The following ORC3 variants were observed in gnomAD, a reference collection of about 807,000 sequenced individuals.
ORC3 encodes origin recognition complex subunit 3.
ORC3 carries 78 observed loss-of-function variants against 100.7 expected under a neutral mutation model. The ratio of observed to expected loss-of-function variants is 0.77; its 90% confidence interval spans 0.65 to 0.94. ORC3 has a LOEUF of 0.94. ORC3 is among the 40% of genes least tolerant of loss of function. The pLI is 0.00. For missense variants in ORC3, 789 were observed against 823.9 expected, an observed-to-expected ratio of 0.96 and a Z score of 0.52; for synonymous variants, 295 against 289.3, an observed-to-expected ratio of 1.02 and a Z score of -0.20.
At chr6:87,672,833 CA>C in the ORC3 span, among the ~76,000 whole-genome samples, 2 of 152,046 alleles carry the variant, frequency 1.3e-5, no homozygotes, top group Non-Finnish European at 2.9e-5. Context: ...CCTATTTTTC[CA>C]AAAGTACAAA....
downstream of ORC3, among the ~76,000 whole-genome samples, chr6:87,669,082 A>G (rs533271219): frequency 6.6e-6 from 1 of 152,372 alleles, no homozygotes; most frequent in South Asian, 2.1e-4. Context: ...GCTTAAACCC[A>G]GAAGGTGGAG....
chr6:87,590,336 C>T, intron 1 of ORC3, 144 bp downstream of exon 1: 1 of 895,174 alleles, frequency 1.1e-6, no homozygotes, highest in South Asian at 1.4e-5. Context: ...CGTCCTTGCT[C>T]CAGATCAGTT....
In ORC3 at chr6:87,636,351, A is replaced by G. The variant is rs1191268176; in HGVS notation, c.1303-56A>G. On this transcript the variant is annotated intron_variant, in intron 12 of 19. Transcript: ENST00000392844. ...GTGTTGACCAGAAATGATTTTTGCC[A>G]AACTAGTAGTGTGTATACACTTTTG... is the stretch of plus-strand genomic sequence containing the variant. The G allele has an allele frequency of 5.0e-6, 5 of 1,009,984 alleles. No homozygotes were observed. The African/African-American group carries it at 8.2e-5, about 17-fold the overall frequency. The allele number at this position is 1,009,984 out of a possible 1,614,324, so 62.6% of individuals were successfully genotyped here. A position where few individuals can be genotyped will look rare whatever the true frequency, so the allele number is the denominator to read the frequency against.
chr6:87,612,732 A>G (rs1034412864), intron 8 of ORC3, among the ~76,000 whole-genome samples: 2 of 152,120 alleles, frequency 1.3e-5, no homozygotes, highest in Non-Finnish European at 2.9e-5. Flanking sequence ...CTGCCGCAGC[A>G]TCTCAAGTAG....
intron 12 of ORC3, among the ~76,000 whole-genome samples, 163 bp from the exon 13 acceptor site, chr6:87,636,244 C>T (rs1306583607): frequency 6.6e-6 from 1 of 152,122 alleles, no homozygotes; most frequent in African/African-American, 2.4e-5. Flanking sequence ...AAATTGCATT[C>T]TTATAAAGCC....
At chr6:87,673,406 G>C in the ORC3 span, among the ~76,000 whole-genome samples, 1 of 151,972 alleles carries the variant, frequency 6.6e-6, no homozygotes, top group Non-Finnish European at 1.5e-5. Flanking sequence ...GTGGGAGGGG[G>C]TTTAACTGGC....
chr6:87,653,381 G>A (rs1769427364), intron 14 of ORC3, 132 bp downstream of exon 14: 1 of 698,528 alleles, frequency 1.4e-6, no homozygotes, highest in Non-Finnish European at 2.2e-6. Flanking sequence ...AGTATGCCAA[G>A]CCTCATAGTA....
In ORC3 at chr6:87,663,134, A is replaced by G. The variant is rs763886530; in HGVS notation, c.1823A>G (p.Tyr608Cys). 8.7e-6 allele frequency: 14 copies of G among 1,610,218 alleles called. No homozygotes were observed. Among genetic ancestry groups the G allele is most frequent in the Admixed American group, 3.3e-5 (2 of 59,962 alleles). The change falls in exon 17 of 20, where the codon TAT (tyrosine) becomes TGT (cysteine). Residue 608 changes from tyrosine (Y) to cysteine (C), a missense_variant. By Grantham distance (194) the Tyr-to-Cys change is radical. Around this residue, in one of 3 missense-constraint regions of ORC3, gnomAD observed 366 missense variants for 394.2 expected, o/e 0.93. Transcript: ENST00000392844. ...ALHTALNNPY[Y>C]YLKNEALKSE... ...CATACTGCACTCAACAATCCTTACTATTATCTCAAGGTAAGATGAACATTT... is the reference window on the plus strand; with the variant it reads ...CATACTGCACTCAACAATCCTTACTGTTATCTCAAGGTAAGATGAACATTT...
downstream of ORC3, among the ~76,000 whole-genome samples, chr6:87,669,923 C>G (rs1318266030): frequency 6.6e-6 from 1 of 152,164 alleles, no homozygotes; most frequent in Non-Finnish European, 1.5e-5. Flanking sequence ...TGTTTAGAAA[C>G]TATTACTTTG....
chr6:87,609,156 C>T lies in ORC3; in HGVS notation c.640C>T (p.Pro214Ser). 1.9e-6 allele frequency: 3 copies of T among 1,610,278 alleles called. No homozygotes were observed. Among genetic ancestry groups the T allele is most frequent in the East Asian group, 2.2e-5 (1 of 44,684 alleles). Residue 214 changes from proline to serine, a missense_variant, in exon 7 of 20, where the codon CCT becomes TCT. Coordinates refer to ENST00000392844, the MANE Select transcript of ORC3 (RefSeq NM_012381.4). Reference protein sequence around the residue: ...RTTSSQWQSPPVVVILKDMES... With the variant: ...RTTSSQWQSPSVVVILKDMES... ...TACTTCTAGCCAATGGCAGTCTCCTCCTGTTGTCGTTATCTTGAAGGATAT... is the reference window on the plus strand; with the variant it reads ...TACTTCTAGCCAATGGCAGTCTCCTTCTGTTGTCGTTATCTTGAAGGATAT...
chr6:87,605,422 G>A (rs1778257479), intron 4 of ORC3, among the ~76,000 whole-genome samples: 2 of 152,194 alleles, frequency 1.3e-5, no homozygotes, highest in South Asian at 2.1e-4. Flanking sequence ...AGGCTGAGGC[G>A]GGTGGATCAC....
chr6:87,674,748 A>G, the ORC3 span, among the ~76,000 whole-genome samples: 274 of 150,724 alleles, frequency 1.8e-3, 1 homozygote, highest in Middle Eastern at 0.017. Flanking sequence ...TGCTGGGATT[A>G]CAGGCATGAG....
chr6:87,659,175 T>C lies in ORC3; in HGVS notation c.1691+1157T>C, dbSNP rs557090628. On this transcript the variant is annotated intron_variant, in intron 16 of 19. Coordinates refer to ENST00000392844, the MANE Select transcript of ORC3 (RefSeq NM_012381.4). ...GCCTCCCGGGTTCAAGGGATTTTCC[T>C]GCCTCAGCCTCCCGAGTAGCTGGGA... Among the ~76,000 whole-genome samples, 15 of 151,138 alleles carry C rather than the reference T, an allele frequency of 9.9e-5. No individual in the cohort carries two copies. In the East Asian group the frequency reaches 1.4e-3, roughly 14 times the overall value.
intron 3 of ORC3, among the ~76,000 whole-genome samples, chr6:87,602,954 A>ATTTATAT (rs1554236515): frequency 2.4e-4 from 23 of 95,270 alleles, no homozygotes; most frequent in South Asian, 3.3e-4. Context: ...ACACATATAT[A>ATTTATAT]ATATATATAT....
At position 87,644,835 on chromosome 6, in the gene ORC3, C is replaced by T. The variant is rs537778309; in HGVS notation, c.1383-8281C>T. ...GTGCACTCTAGGCTGGGTGACAAAG[C>T]GAGACTCCATCCAAAAAAAAAAAAA... is the stretch of plus-strand genomic sequence containing the variant. On this transcript the variant is annotated intron_variant, in intron 13 of 19. Transcript: ENST00000392844. Among the ~76,000 whole-genome samples the T allele has an allele frequency of 1.3e-4, 19 of 150,808 alleles. No individual in the cohort carries two copies. The South Asian group carries it at 1.5e-3, about 12-fold the overall frequency.
At chr6:87,634,135 T>C (rs1767636272) in intron 11 of ORC3, among the ~76,000 whole-genome samples, 1 of 152,192 alleles carries the variant, frequency 6.6e-6, no homozygotes. Context: ...CGTGAGCCAC[T>C]ACACCTGCAT....
intron 11 of ORC3, among the ~76,000 whole-genome samples, chr6:87,631,894 T>G (rs571208438): frequency 8.5e-5 from 13 of 152,262 alleles, no homozygotes; most frequent in Admixed American, 2.0e-4. Context: ...GTGCAGTATC[T>G]CACGCAGTGT....
In ORC3 at chr6:87,634,843, A is replaced by T; in HGVS notation, c.1186-2A>T. ...ATTAATAATATATTCTGTGATTTTTAGGAGGAAACACAATTATTACTAGAA... is the reference window on the plus strand; with the variant it reads ...ATTAATAATATATTCTGTGATTTTTTGGAGGAAACACAATTATTACTAGAA... On this transcript the variant is annotated splice_acceptor_variant, in intron 11 of 19. Coordinates refer to ENST00000392844, the MANE Select transcript of ORC3 (RefSeq NM_012381.4). LOFTEE classifies it high-confidence loss of function. 1 of 1,349,722 alleles carries T rather than the reference A, an allele frequency of 7.4e-7. No individual in the cohort carries two copies. Among genetic ancestry groups the T allele is most frequent in the Non-Finnish European group, 1.1e-6 (1 of 940,186 alleles). The allele number at this position is 1,349,722 out of a possible 1,614,324, so 83.6% of individuals were successfully genotyped here.
intron 13 of ORC3, among the ~76,000 whole-genome samples, chr6:87,645,007 G>C (rs1768644358): frequency 6.6e-6 from 1 of 152,122 alleles, no homozygotes; most frequent in Non-Finnish European, 1.5e-5. Flanking sequence ...TTCCCAGGAT[G>C]AACCAGTTTG....
Sources: allele counts gnomAD v4.1 joint callset (sites outside exome capture counted in the v4.1 genomes callset), GRCh38; gene constraint gnomAD v4.1.1; regional missense constraint gnomAD v4.1.1; transcripts MANE v1.5; gene names NCBI Gene and HGNC (gene_info 2026-07-23, HGNC 2026-07-21).